Variants in HNRNPA1L2 observed in about 807,000 individuals in gnomAD.
HNRNPA1L2 encodes heterogeneous nuclear ribonucleoprotein A1-like 2.
Under a neutral mutation model 18.2 loss-of-function variants are expected in HNRNPA1L2, and 10 were observed. That is an observed-to-expected ratio of 0.55 (90% CI 0.34 to 0.93). The LOEUF (loss-of-function observed/expected upper bound fraction) is 0.93. Ranked by LOEUF, HNRNPA1L2 falls within the 40% of genes least tolerant of loss-of-function variation. HNRNPA1L2 has a pLI of 0.02. For synonymous variants in HNRNPA1L2, 124 were observed against 138.6 expected, an observed-to-expected ratio of 0.89 and a Z score of 0.74; for missense variants, 308 against 394.4, an observed-to-expected ratio of 0.78 and a Z score of 1.85.
chr13:52,617,542 G>C, the HNRNPA1L2 span: 1 of 424,172 alleles, frequency 2.4e-6, no homozygotes, highest in Non-Finnish European at 4.3e-6. Context: ...CTCCTGGATG[G>C]CTTTATGTCT....
chr13:52,643,216 GA>G lies in HNRNPA1L2; in HGVS notation c.725del (p.Asp242ValfsTer35). 1 of 1,597,554 alleles carries G rather than the reference GA, an allele frequency of 6.3e-7. No individual in the cohort carries two copies. Among genetic ancestry groups the G allele is most frequent in the Non-Finnish European group, 8.5e-7 (1 of 1,179,726 alleles). ...CGGGGYGGSG[D>X]GYNGFGNDGS... is the part of the protein sequence containing the mutation. ...TGGTGGTGGATATGGTGGCAGTGGG[GA>G]TGGCTATAATGGATTTGGTAATGAT... is the stretch of plus-strand genomic sequence containing the variant. On this transcript the variant is annotated frameshift_variant, in exon 1 of 1. Transcript: ENST00000357495. LOFTEE classifies it high-confidence loss of function.
chr13:52,636,488 C>A, the HNRNPA1L2 span, among the ~76,000 whole-genome samples: 3 of 152,080 alleles, frequency 2.0e-5, no homozygotes, highest in Non-Finnish European at 4.4e-5. Context: ...TGGTAATTAG[C>A]CAACTCACAG....
the HNRNPA1L2 span, among the ~76,000 whole-genome samples, chr13:52,618,900 C>T: frequency 6.6e-6 from 1 of 152,170 alleles, no homozygotes; most frequent in South Asian, 2.1e-4. Context: ...ATGTAGATTG[C>T]TTTCTGTGGT....
At chr13:52,631,510 G>C in the HNRNPA1L2 span, among the ~76,000 whole-genome samples, 1 of 152,190 alleles carries the variant, frequency 6.6e-6, no homozygotes, top group Non-Finnish European at 1.5e-5. Flanking sequence ...TGAGAAAGAA[G>C]AATGCAAGGC....
At chr13:52,640,952 C>A (rs974133549), upstream of HNRNPA1L2, 4 of 152,216 alleles carry the variant, frequency 2.6e-5, no homozygotes, top group Admixed American at 2.6e-4. Flanking sequence ...AGGTAATTTA[C>A]CTCCTCAAAA....
chr13:52,617,971 G>T, the HNRNPA1L2 span, among the ~76,000 whole-genome samples: 1 of 152,184 alleles, frequency 6.6e-6, no homozygotes, highest in Non-Finnish European at 1.5e-5. Flanking sequence ...AAGCGAAGTT[G>T]TTTTAGCTTT....
At chr13:52,639,384 C>T (rs548784213), upstream of HNRNPA1L2, among the ~76,000 whole-genome samples, 1 of 152,212 alleles carries the variant, frequency 6.6e-6, no homozygotes, top group South Asian at 2.1e-4. Flanking sequence ...GATATCTTCC[C>T]CTCCCAATAA....
the HNRNPA1L2 span, among the ~76,000 whole-genome samples, chr13:52,635,537 T>G: frequency 6.6e-6 from 1 of 151,108 alleles, no homozygotes; most frequent in East Asian, 2.0e-4. Flanking sequence ...CCCGTGAAAC[T>G]GCCACTTAGA....
chr13:52,635,645 G>C, the HNRNPA1L2 span, among the ~76,000 whole-genome samples: 1 of 149,514 alleles, frequency 6.7e-6, no homozygotes, highest in Non-Finnish European at 1.5e-5. Context: ...CCACTGATCT[G>C]CTTTCTGTTA....
chr13:52,626,709 A>G, the HNRNPA1L2 span, among the ~76,000 whole-genome samples: 3 of 150,522 alleles, frequency 2.0e-5, no homozygotes, highest in Non-Finnish European at 3.0e-5. Context: ...TTTTTTTTTC[A>G]GGTAAAATTT....
Position 52,642,592 on chromosome 13 carries a change from T to G in HNRNPA1L2, c.100T>G (p.Phe34Val). ...ETTDESLRSH[F>V]EQWGTLTDCV... ...AACTGATGAGAGCCTGAGGAGCCAT[T>G]TTGAGCAATGGGGAACGCTCACAGA... is the stretch of plus-strand genomic sequence containing the variant. Residue 34 changes from phenylalanine to valine, a missense_variant, in exon 1 of 1, where the codon TTT becomes GTT. Physicochemically the swap from Phe to Val is conservative, Grantham distance 50. Transcript: ENST00000357495. The G allele has an allele frequency of 6.2e-7, 1 of 1,611,928 alleles. No homozygotes were observed. The highest frequency in any genetic ancestry group is 8.5e-7 in the Non-Finnish European group (1 of 1,179,846).
chr13:52,627,768 A>C, the HNRNPA1L2 span, among the ~76,000 whole-genome samples: 36 of 152,228 alleles, frequency 2.4e-4, 4 homozygotes, highest in Non-Finnish European at 1.5e-5. Context: ...TATAGTTTTA[A>C]GAGACCAATT....
At chr13:52,631,979 A>G in the HNRNPA1L2 span, among the ~76,000 whole-genome samples, 7 of 152,198 alleles carry the variant, frequency 4.6e-5, no homozygotes, top group African/African-American at 1.7e-4. Flanking sequence ...CCTGCCCTTA[A>G]AAACAAGTGT....
chr13:52,626,224 A>G, the HNRNPA1L2 span, among the ~76,000 whole-genome samples: 1 of 152,148 alleles, frequency 6.6e-6, no homozygotes, highest in Non-Finnish European at 1.5e-5. Flanking sequence ...AGATCATAAT[A>G]CAGAAAGCCA....
the HNRNPA1L2 span, among the ~76,000 whole-genome samples, chr13:52,622,832 G>C: frequency 6.6e-6 from 1 of 151,662 alleles, no homozygotes; most frequent in Non-Finnish European, 1.5e-5. Context: ...GTAATATCTT[G>C]GCATTGTGTT....
At chr13:52,642,054 A>T (rs1490895779), upstream of HNRNPA1L2, 1 of 162,710 alleles carries the variant, frequency 6.1e-6, no homozygotes, top group African/African-American at 2.4e-5. Flanking sequence ...CTGTTTATCA[A>T]TAAGGAGACC....
At chr13:52,627,727 G>C in the HNRNPA1L2 span, 1 of 152,214 alleles carries the variant, frequency 6.6e-6, no homozygotes, top group East Asian at 1.9e-4. Flanking sequence ...AGCAATTCAA[G>C]TTTTTAAAAA....
the HNRNPA1L2 span, chr13:52,632,374 C>T: frequency 3.9e-5 from 6 of 152,154 alleles, no homozygotes; most frequent in Non-Finnish European, 8.8e-5. Flanking sequence ...ATTTTTTTCT[C>T]ATAATTTTGT....
chr13:52,639,890 T>TTG (rs1961596408), upstream of HNRNPA1L2, among the ~76,000 whole-genome samples: 2 of 128,694 alleles, frequency 1.6e-5, no homozygotes, highest in African/African-American at 5.6e-5. Flanking sequence ...TTTTTTTTTT[T>TTG]TTTTTGTTTT....
Sources: gnomAD v4.1 joint callset for allele counts (sites outside exome capture counted in the v4.1 genomes callset) on GRCh38, gnomAD v4.1.1 for gene constraint, MANE v1.5 for transcripts, NCBI Gene and HGNC (gene_info 2026-07-23, HGNC 2026-07-21) for gene names.